The following TBL1X variants were observed in gnomAD, a reference collection of about 807,000 sequenced individuals.
TBL1X encodes F-box-like/WD repeat-containing protein TBL1X.
A neutral mutation model predicts 50.7 loss-of-function variants in TBL1X; 10 were observed. That is an observed-to-expected ratio of 0.20 (90% CI 0.12 to 0.33). The LOEUF (loss-of-function observed/expected upper bound fraction) is 0.33, where lower values mean the gene tolerates loss of function less well. Ranked by LOEUF, TBL1X falls within the 10% of genes least tolerant of loss-of-function variation. TBL1X has a pLI of 1.00. For missense variants in TBL1X, 340 were observed against 504.4 expected (o/e 0.67, Z 3.12); for synonymous variants, 190 against 214.7 (o/e 0.88, Z 1.01).
At chrX:9,708,900 A>G (rs2083227173) in intron 13 of TBL1X, among the ~76,000 whole-genome samples, 1 of 111,620 alleles carries the variant, frequency 9.0e-6, no homozygotes, top group Non-Finnish European at 1.9e-5. Flanking sequence ...GTGATTTTCA[A>G]AGGCCAATTT....
At chrX:9,585,488 C>T (rs2082464923) in intron 2 of TBL1X, among the ~76,000 whole-genome samples, 1 of 111,151 alleles carries the variant, frequency 9.0e-6, no homozygotes, top group Admixed American at 9.5e-5. Context: ...AAAGTGCAGT[C>T]GGAGGAGGAT....
Position 9,692,193 on chromosome X carries a change from G to T in TBL1X, c.830G>T (p.Cys277Phe), listed in dbSNP as rs1405324852. The change falls in exon 9 of 18, where the codon TGT (cysteine) becomes TTT (phenylalanine). Residue 277 changes from cysteine to phenylalanine, a missense_variant. Transcript: ENST00000645353. ...TCCACCCAGCTCGTGTTGAGGCACT[G>T]TATACGAGAGGGGGGCCATGACGTC... ...GGSTQLVLRH[C>F]IREGGHDVPS... The T allele has an allele frequency of 2.5e-6, 3 of 1,205,274 alleles. No individual in the cohort carries two copies. The highest frequency in any genetic ancestry group is 2.2e-6 in the Non-Finnish European group (2 of 893,735).
At chrX:9,649,521 G>A (rs1233375424) in intron 3 of TBL1X, among the ~76,000 whole-genome samples, 3 of 112,173 alleles carry the variant, frequency 2.7e-5, no homozygotes, top group African/African-American at 9.7e-5. Flanking sequence ...CAATGAATCT[G>A]TGATCAGAAA....
chrX:9,703,849 AT>A (rs1206763415), intron 12 of TBL1X, among the ~76,000 whole-genome samples: 1 of 112,140 alleles, frequency 8.9e-6, no homozygotes, highest in Non-Finnish European at 1.9e-5. Flanking sequence ...AATGAGGTCC[AT>A]TTGCTAGGAC....
rs749155436 is a variant in TBL1X at position 9,691,638 on chromosome X, A to G, written c.676A>G (p.Thr226Ala). The G allele has an allele frequency of 2.5e-6, 3 of 1,211,451 alleles. No individual in the cohort carries two copies. The highest frequency in any genetic ancestry group is 3.4e-6 in the Non-Finnish European group (3 of 895,411). Reference sequence around the variant, plus strand: ...GGTTGAGATTCCATCCAGCAAAGCCACAGTCCTTCGGGGCCATGAGTCTGA... The same window carrying G: ...GGTTGAGATTCCATCCAGCAAAGCCGCAGTCCTTCGGGGCCATGAGTCTGA... ...GEVEIPSSKATVLRGHESEVF... is the reference protein window; with the variant it reads ...GEVEIPSSKAAVLRGHESEVF... Residue 226 changes from threonine (T) to alanine (A), a missense_variant, in exon 8 of 18, where the codon ACA becomes GCA. This residue lies in a region of TBL1X where 99 missense variants were observed against 93.3 expected (regional missense o/e 1.06). Coordinates refer to ENST00000645353, the MANE Select transcript of TBL1X (RefSeq NM_005647.4).
At position 9,661,866 on chromosome X, in the gene TBL1X, G is replaced by A. The variant is rs1162763286; in HGVS notation, c.211+7544G>A. ...TTTCTACAGAAACATAAGACTGAGG[G>A]TGAAGTGAGATCCCCTCTGAAAAAG... On this transcript the variant is annotated intron_variant, in intron 5 of 17. Coordinates refer to ENST00000645353, the MANE Select transcript of TBL1X (RefSeq NM_005647.4). Among the ~76,000 whole-genome samples, 3 of 111,344 alleles carry A rather than the reference G, an allele frequency of 2.7e-5. No homozygotes were observed. The Admixed American group carries it at 2.9e-4, about 11-fold the overall frequency.
chrX:9,623,653 C>T (rs929405892), intron 2 of TBL1X, among the ~76,000 whole-genome samples: 1 of 111,835 alleles, frequency 8.9e-6, no homozygotes, highest in Non-Finnish European at 1.9e-5. Flanking sequence ...CACCACTGCA[C>T]TCCAGCCTAG....
intron 2 of TBL1X, among the ~76,000 whole-genome samples, chrX:9,631,564 CTA>C (rs1459269132): frequency 4.9e-4 from 55 of 112,319 alleles, no homozygotes; most frequent in African/African-American, 1.7e-3. Context: ...TTATCACAAT[CTA>C]TGTTTGAAAG....
At chrX:9,554,549 A>C (rs757917507) in intron 2 of TBL1X, among the ~76,000 whole-genome samples, 29 of 112,396 alleles carry the variant, frequency 2.6e-4, no homozygotes, top group Non-Finnish European at 4.1e-4. Flanking sequence ...TTGACATCAG[A>C]GGAAATACAC....
At chrX:9,546,880 G>T (rs1222448145) in intron 2 of TBL1X, among the ~76,000 whole-genome samples, 1 of 88,855 alleles carries the variant, frequency 1.1e-5, no homozygotes, top group Non-Finnish European at 2.1e-5. Context: ...GTGCAGTGGC[G>T]CGATCTCGGC....
At chrX:9,688,349 CCTT>C in intron 7 of TBL1X, 74 bp downstream of exon 7, 4 of 937,543 alleles carry the variant, frequency 4.3e-6, no homozygotes, top group Non-Finnish European at 5.7e-6. Context: ...AATCCGAATG[CCTT>C]CTTAAAAACC....
intron 1 of TBL1X, among the ~76,000 whole-genome samples, chrX:9,476,896 A>G: frequency 8.9e-6 from 1 of 112,695 alleles, no homozygotes; most frequent in Middle Eastern, 4.6e-3. Flanking sequence ...ATTTGAAGTT[A>G]GCAAAATTAT....
chrX:9,711,559 T>G (rs2083247030), intron 15 of TBL1X, 52 bp from the exon 16 acceptor site: 2 of 1,081,620 alleles, frequency 1.8e-6, no homozygotes, highest in Non-Finnish European at 1.2e-6. Flanking sequence ...TATGGAGAAC[T>G]GTTTGAAACC....
At chrX:9,506,966 A>G (rs1280770436) in intron 2 of TBL1X, among the ~76,000 whole-genome samples, 1 of 112,034 alleles carries the variant, frequency 8.9e-6, no homozygotes, top group Admixed American at 9.5e-5. Flanking sequence ...CAAACCTGGA[A>G]GAGACACAGC....
chrX:9,698,753 C>T (rs1015986582), intron 12 of TBL1X, among the ~76,000 whole-genome samples: 4 of 111,931 alleles, frequency 3.6e-5, no homozygotes, highest in Non-Finnish European at 7.5e-5. Context: ...AAATCTCAGT[C>T]GCTAGCCAAG....
At chrX:9,579,376 A>C (rs1447260533) in intron 2 of TBL1X, among the ~76,000 whole-genome samples, 1 of 111,902 alleles carries the variant, frequency 8.9e-6, no homozygotes, top group Non-Finnish European at 1.9e-5. Context: ...CTATGATTTC[A>C]ATTTTTACCA....
intron 2 of TBL1X, among the ~76,000 whole-genome samples, chrX:9,558,374 G>A (rs2082309985): frequency 9.1e-6 from 1 of 110,489 alleles, no homozygotes; most frequent in Non-Finnish European, 1.9e-5. Context: ...AAAATTAGCC[G>A]GGCGTAGTGG....
At chrX:9,530,888 T>C (rs1414787788) in intron 2 of TBL1X, 2 of 111,656 alleles carry the variant, frequency 1.8e-5, no homozygotes, top group Admixed American at 1.9e-4. Context: ...TGAAACGTAG[T>C]CCTCCCCCTT....
intron 2 of TBL1X, among the ~76,000 whole-genome samples, chrX:9,564,615 C>T (rs2082339720): frequency 1.8e-5 from 2 of 110,959 alleles, no homozygotes; most frequent in Admixed American, 9.6e-5. Flanking sequence ...TGCCTGTTGT[C>T]CCAGCTACTT....
Sources: allele counts gnomAD v4.1 joint callset (sites outside exome capture counted in the v4.1 genomes callset), GRCh38; gene constraint gnomAD v4.1.1; regional missense constraint gnomAD v4.1.1; transcripts MANE v1.5; gene names NCBI Gene and HGNC (gene_info 2026-07-23, HGNC 2026-07-21).